Variants in IQSEC1 observed in about 807,000 individuals in gnomAD.
IQSEC1 encodes IQ motif and Sec7 domain ArfGEF 1.
IQSEC1 carries 31 observed loss-of-function variants against 91.0 expected under a neutral mutation model. That is an observed-to-expected ratio of 0.34 (90% confidence interval 0.26 to 0.46). The LOEUF is 0.46. Among genes scored for constraint, IQSEC1 ranks in the 20% least tolerant of loss-of-function variants. IQSEC1 has a pLI of 1.00. For synonymous variants in IQSEC1, 699 were observed against 662.6 expected (o/e 1.05, Z -0.84); for missense variants, 1,388 against 1,575.6 (o/e 0.88, Z 2.02).
chr3:13,048,333 T>A (rs1448947480), intron 1 of IQSEC1, among the ~76,000 whole-genome samples: 1 of 152,110 alleles, frequency 6.6e-6, no homozygotes, highest in Non-Finnish European at 1.5e-5. Context: ...GGGGGCCCCA[T>A]CCCCACAACA....
chr3:12,943,948 G>A (rs1404135983), intron 1 of IQSEC1, among the ~76,000 whole-genome samples: 1 of 152,208 alleles, frequency 6.6e-6, no homozygotes, highest in Non-Finnish European at 1.5e-5. Flanking sequence ...GTCAGGCAGG[G>A]GATGCCCACC....
intron 1 of IQSEC1, among the ~76,000 whole-genome samples, chr3:13,242,574 T>G (rs1056118849): frequency 6.6e-6 from 1 of 152,184 alleles, no homozygotes; most frequent in African/African-American, 2.4e-5. Flanking sequence ...GTCCGTCCAC[T>G]ACACAGTGTC....
At chr3:12,934,594 A>C (rs1341846491) in intron 3 of IQSEC1, among the ~76,000 whole-genome samples, 1 of 152,110 alleles carries the variant, frequency 6.6e-6, no homozygotes, top group Non-Finnish European at 1.5e-5. Context: ...GTGCCAGGCC[A>C]GCATCTGATG....
chr3:13,002,948 T>C lies in IQSEC1; in HGVS notation c.24-61083A>G, dbSNP rs138306763. On this transcript the variant is annotated intron_variant, in intron 1 of 13. Coordinates refer to ENST00000613206, the MANE Select transcript of IQSEC1 (RefSeq NM_001134382.3). ...TCTAAAAAGTTAAACAGAGAGTTACTATGTGACCCAGCAATTCCACTTCTA... is the reference window on the plus strand; with the variant it reads ...TCTAAAAAGTTAAACAGAGAGTTACCATGTGACCCAGCAATTCCACTTCTA... Among the ~76,000 whole-genome samples the C allele has an allele frequency of 3.1e-3, 476 of 152,252 alleles. 9 individuals carry two copies. The highest frequency in any genetic ancestry group is 0.021 in the Admixed American group (328 of 15,276).
intron 1 of IQSEC1, among the ~76,000 whole-genome samples, chr3:12,975,345 G>A (rs1207651005): frequency 1.3e-5 from 2 of 152,182 alleles, no homozygotes; most frequent in African/African-American, 2.4e-5. Context: ...TTGGGCAAGT[G>A]GTTTGGTCTT....
chr3:13,022,319 A>G, intron 1 of IQSEC1: 9 of 1,204,862 alleles, frequency 7.5e-6, no homozygotes, highest in Non-Finnish European at 9.3e-6. Flanking sequence ...CCCACTATCC[A>G]CCGGCCAGCC....
chr3:12,902,875 G>A lies in IQSEC1; in HGVS notation c.2756-53C>T, dbSNP rs974468373. 11 of 1,345,978 alleles carry A rather than the reference G, an allele frequency of 8.2e-6. No individual in the cohort carries two copies. In the Admixed American group the frequency reaches 1.2e-4, roughly 14 times the overall value. The allele number at this position is 1,345,978 out of a possible 1,614,324, so 83.4% of individuals were successfully genotyped here. ...TAGACGCGGACATGAGGCTGGGGGT[G>A]CTGCCTGCCTGGTGCCACGCTGCTG... On this transcript the variant is annotated intron_variant, in intron 12 of 13. Coordinates refer to ENST00000613206, the MANE Select transcript of IQSEC1 (RefSeq NM_001134382.3).
chr3:13,274,579 C>T (rs1176948627), intron 1 of IQSEC1, among the ~76,000 whole-genome samples: 1 of 152,258 alleles, frequency 6.6e-6, no homozygotes, highest in Non-Finnish European at 1.5e-5. Flanking sequence ...GAGGGGCCCC[C>T]ATCCCAACCC....
chr3:13,074,857 A>AG (rs1462600180), upstream of IQSEC1, among the ~76,000 whole-genome samples: 1 of 152,150 alleles, frequency 6.6e-6, no homozygotes, highest in African/African-American at 2.4e-5. Flanking sequence ...CATCCTTTAC[A>AG]GGGGAGGAAA....
At chr3:13,184,337 C>A (rs937357786) in intron 1 of IQSEC1, among the ~76,000 whole-genome samples, 1 of 152,188 alleles carries the variant, frequency 6.6e-6, no homozygotes, top group African/African-American at 2.4e-5. Flanking sequence ...TTGACCATAT[C>A]CACAAACTAA....
chr3:13,186,777 C>G (rs1470550055), intron 1 of IQSEC1, among the ~76,000 whole-genome samples: 1 of 152,100 alleles, frequency 6.6e-6, no homozygotes, highest in Non-Finnish European at 1.5e-5. Context: ...CACTGGACGG[C>G]GACCCTTTGG....
At chr3:13,186,215 G>A (rs1693929173) in intron 1 of IQSEC1, among the ~76,000 whole-genome samples, 1 of 152,160 alleles carries the variant, frequency 6.6e-6, no homozygotes, top group African/African-American at 2.4e-5. Flanking sequence ...GCTCCCTGAG[G>A]GCAGGGATGG....
intron 1 of IQSEC1, among the ~76,000 whole-genome samples, chr3:13,233,949 C>G (rs2125092570): frequency 6.6e-6 from 1 of 152,318 alleles, no homozygotes; most frequent in Non-Finnish European, 1.5e-5. Flanking sequence ...GCAAACTGTT[C>G]AGACAAGAGG....
chr3:13,188,491 A>G (rs905406798), intron 1 of IQSEC1, among the ~76,000 whole-genome samples: 5 of 152,228 alleles, frequency 3.3e-5, no homozygotes, highest in Admixed American at 6.5e-5. Context: ...AAGCCCAACA[A>G]TATAGATGTG....
intron 2 of IQSEC1, among the ~76,000 whole-genome samples, chr3:13,146,578 G>T (rs1706902054): frequency 6.6e-6 from 1 of 152,198 alleles, no homozygotes; most frequent in Admixed American, 6.5e-5. Context: ...AGTGGCTCAT[G>T]CCTGTCATCC....
In IQSEC1 at chr3:13,103,641, A is replaced by C. The variant is rs981263275; in HGVS notation, c.303-56119T>G. Among the ~76,000 whole-genome samples the C allele has an allele frequency of 2.0e-5, 3 of 152,122 alleles. No homozygotes were observed. Among genetic ancestry groups the C allele is most frequent in the Non-Finnish European group, 4.4e-5 (3 of 68,030 alleles). ...AATTTGCAGGATGAGCTTCACATGC[A>C]GCACGCACTGGGGGTCTGGCTGGCA... is the stretch of plus-strand genomic sequence containing the variant. On this transcript the variant is annotated intron_variant, in intron 2 of 15. Coordinates refer to the IQSEC1 transcript ENST00000648114. The surrounding 1 kb of genome is among the most constrained non-coding windows in gnomAD (Gnocchi z 4.1).
At chr3:12,917,108 G>A (rs1696167002) in intron 6 of IQSEC1, among the ~76,000 whole-genome samples, 1 of 152,112 alleles carries the variant, frequency 6.6e-6, no homozygotes, top group Non-Finnish European at 1.5e-5. Context: ...TTTAGAGCAG[G>A]TGTAGGTTCT....
At chr3:13,240,481 G>T (rs1229647820) in intron 1 of IQSEC1, among the ~76,000 whole-genome samples, 2 of 152,228 alleles carry the variant, frequency 1.3e-5, no homozygotes, top group Non-Finnish European at 2.9e-5. Context: ...GAGGCTTGGA[G>T]GAACCCAACA....
At chr3:13,080,907 C>A (rs895228095) in intron 2 of IQSEC1, among the ~76,000 whole-genome samples, 1 of 152,320 alleles carries the variant, frequency 6.6e-6, no homozygotes, top group African/African-American at 2.4e-5. Flanking sequence ...AAGGGCTAAG[C>A]TTTATGCTCA....
Sources: allele counts gnomAD v4.1 joint callset (sites outside exome capture counted in the v4.1 genomes callset), GRCh38; gene constraint gnomAD v4.1.1; non-coding constraint Gnocchi (gnomAD v3.1); transcripts MANE v1.5; gene names NCBI Gene and HGNC (gene_info 2026-07-23, HGNC 2026-07-21).